The following PPARD variants were observed in gnomAD, a reference collection of about 807,000 sequenced individuals.
PPARD encodes peroxisome proliferator-activated receptor delta.
A neutral mutation model predicts 39.5 loss-of-function variants in PPARD; 6 were observed. The observed-to-expected ratio is 0.15, with a 90% CI of 0.08 to 0.30. The LOEUF (loss-of-function observed/expected upper bound fraction) is 0.30. Ranked by LOEUF, PPARD falls within the 10% of genes least tolerant of loss-of-function variation. The pLI is 1.00. For synonymous variants in PPARD, 210 were observed against 231.3 expected (o/e 0.91, Z 0.83); for missense variants, 397 against 596.8 (o/e 0.67, Z 3.49).
At position 35,390,092 on chromosome 6, in the gene PPARD, C is replaced by A. The variant is rs531292154; in HGVS notation, c.-101-20895C>A. ...ACAGCTCGCCATTCCCAGATGTGCC[C>A]TGTGTTCTCGGCTGCGTTGCCTGAC... On this transcript the variant is annotated intron_variant, in intron 2 of 7. Transcript: ENST00000360694. Among the ~76,000 whole-genome samples, 5 of 152,360 alleles carry A rather than the reference C, an allele frequency of 3.3e-5. No individual in the cohort carries two copies. In the East Asian group the frequency reaches 9.6e-4, roughly 29 times the overall value.
At chr6:35,354,927 CCTT>C (rs1387486052) in intron 2 of PPARD, among the ~76,000 whole-genome samples, 3 of 152,154 alleles carry the variant, frequency 2.0e-5, no homozygotes, top group Non-Finnish European at 4.4e-5. Context: ...TGTTGACTGA[CCTT>C]CTAACCATGG....
intron 2 of PPARD, among the ~76,000 whole-genome samples, chr6:35,364,571 T>A (rs1047766372): frequency 4.6e-5 from 7 of 151,478 alleles, no homozygotes; most frequent in Non-Finnish European, 1.0e-4. Context: ...GTAGCTGGGA[T>A]TACAGGTGCA....
intron 2 of PPARD, among the ~76,000 whole-genome samples, chr6:35,385,138 C>T (rs1450345900): frequency 2.7e-5 from 4 of 145,554 alleles, no homozygotes; most frequent in Non-Finnish European, 4.5e-5. Flanking sequence ...GGAGGTGTGC[C>T]CAACAGCTCA....
chr6:35,362,826 C>T (rs555028036), intron 2 of PPARD, among the ~76,000 whole-genome samples: 8 of 152,076 alleles, frequency 5.3e-5, no homozygotes, highest in Admixed American at 3.3e-4. Context: ...GTGGCACCTG[C>T]TCCTCCACCC....
intron 2 of PPARD, among the ~76,000 whole-genome samples, chr6:35,357,789 G>A (rs769034742): frequency 1.5e-5 from 2 of 137,898 alleles, no homozygotes; most frequent in Non-Finnish European, 1.5e-5. Flanking sequence ...CACTTGCCTC[G>A]GCCTCCCAAA....
chr6:35,368,264 G>A (rs1762306148), intron 2 of PPARD, among the ~76,000 whole-genome samples: 1 of 152,230 alleles, frequency 6.6e-6, no homozygotes, highest in South Asian at 2.1e-4. Context: ...AGCAGTGATA[G>A]CCAGACATGC....
At chr6:35,394,103 C>T (rs138551902) in intron 2 of PPARD, among the ~76,000 whole-genome samples, 1 of 152,348 alleles carries the variant, frequency 6.6e-6, no homozygotes, top group African/African-American at 2.4e-5. Flanking sequence ...ATCTCCCCAC[C>T]AGTCCCCCTC....
intron 2 of PPARD, chr6:35,348,546 G>T: frequency 1.0e-6 from 1 of 985,424 alleles, no homozygotes; most frequent in Non-Finnish European, 1.2e-6. Flanking sequence ...GGGGAAACGT[G>T]GGCCTCCTGC....
intron 2 of PPARD, among the ~76,000 whole-genome samples, chr6:35,409,733 C>T (rs1448733452): frequency 1.3e-5 from 2 of 152,010 alleles, no homozygotes; most frequent in East Asian, 1.9e-4. Context: ...AAGTAGGCCC[C>T]GAGGTTATTG....
rs1424602839 is a variant in PPARD, at chr6:35,396,086, T to G, written c.-101-14901T>G. The stretch of plus-strand genomic sequence containing the variant: ...TTCCATTCCCTGCCTCCCTGTCTCC[T>G]TCTTTCTTTCTCCATCTTCCTCTCC... On this transcript the variant is annotated intron_variant, in intron 2 of 7. Coordinates refer to ENST00000360694, the MANE Select transcript of PPARD (RefSeq NM_006238.5). Among the ~76,000 whole-genome samples, 3 of 151,994 alleles carry G rather than the reference T, an allele frequency of 2.0e-5. No individual in the cohort carries two copies. The East Asian group carries it at 5.8e-4, about 29-fold the overall frequency.
At chr6:35,345,888 T>A (rs1792149878) in intron 1 of PPARD, among the ~76,000 whole-genome samples, 1 of 147,658 alleles carries the variant, frequency 6.8e-6, no homozygotes, top group African/African-American at 2.5e-5. Flanking sequence ...TTTTTTTTTT[T>A]TTTTTTGAGA....
intron 2 of PPARD, among the ~76,000 whole-genome samples, chr6:35,354,157 G>A (rs538895668): frequency 3.3e-5 from 5 of 150,366 alleles, no homozygotes; most frequent in South Asian, 2.1e-4. Flanking sequence ...GCATGAACCC[G>A]GGAGGCGGAG....
At chr6:35,377,532 G>GT (rs1357960414) in intron 2 of PPARD, among the ~76,000 whole-genome samples, 1 of 152,162 alleles carries the variant, frequency 6.6e-6, no homozygotes, top group African/African-American at 2.4e-5. Flanking sequence ...AAAAGCACAG[G>GT]TTTTAGGGTC....
At position 35,363,927 on chromosome 6, in the gene PPARD, A is replaced by T. The variant is rs964946740; in HGVS notation, c.-102+16777A>T. Among the ~76,000 whole-genome samples the T allele has an allele frequency of 6.7e-6, 1 of 149,698 alleles. No individual in the cohort carries two copies. Among genetic ancestry groups the T allele is most frequent in the Admixed American group, 6.7e-5 (1 of 14,950 alleles). Reference sequence around the variant, plus strand: ...TAACTGTGTTTTATATATTATATTAAATTAATATATTTATATATTATATTA... The same window carrying T: ...TAACTGTGTTTTATATATTATATTATATTAATATATTTATATATTATATTA... On this transcript the variant is annotated intron_variant, in intron 2 of 7. Coordinates refer to ENST00000360694, the MANE Select transcript of PPARD (RefSeq NM_006238.5). The surrounding 1 kb of genome is among the most constrained non-coding windows in gnomAD (Gnocchi z 4.5).
chr6:35,384,946 C>T lies in PPARD; in HGVS notation c.-101-26041C>T, dbSNP rs1231605135. Among the ~76,000 whole-genome samples the T allele has an allele frequency of 8.5e-4, 116 of 136,124 alleles. 12 individuals are homozygous for T. The highest frequency in any genetic ancestry group is 3.5e-3 in the African/African-American group (111 of 31,892). 89.3% of individuals were successfully genotyped at this position (136,124 alleles called of 152,430 possible). A position where few individuals can be genotyped will look rare whatever the true frequency, so the allele number is the denominator to read the frequency against. ...AGCCCCTCTGCCAGGCCAGCCGCCC[C>T]ATCCGGGAGGGAGGTGGGGGGGTCA... On this transcript the variant is annotated intron_variant, in intron 2 of 7. Coordinates refer to ENST00000360694, the MANE Select transcript of PPARD (RefSeq NM_006238.5).
At chr6:35,419,999 C>T (rs1365139754) in intron 3 of PPARD, 128 bp from the exon 4 acceptor site, 1 of 1,151,808 alleles carries the variant, frequency 8.7e-7, no homozygotes. Context: ...AACTGGTCCT[C>T]AGAAAGGTTG....
chr6:35,366,627 G>T lies in PPARD; in HGVS notation c.-102+19477G>T, dbSNP rs763900436. On this transcript the variant is annotated intron_variant, in intron 2 of 7. Transcript: ENST00000360694. The surrounding 1 kb of genome is among the most constrained non-coding windows in gnomAD (Gnocchi z 4.6). ...TGCAGTGGCATGATCTCGGCTCACT[G>T]CAACCTCTGCCTCCCGGGTTCAAGC... 6.6e-6 allele frequency among the ~76,000 whole-genome samples: 1 copy of T among 151,442 alleles called. No individual in the cohort carries two copies. The highest frequency in any genetic ancestry group is 2.4e-5 in the African/African-American group (1 of 41,006).
intron 2 of PPARD, among the ~76,000 whole-genome samples, chr6:35,402,331 A>C (rs1415495757): frequency 6.6e-6 from 1 of 152,196 alleles, no homozygotes. Context: ...GATTTTTCGC[A>C]GTCTTCAGTG....
At chr6:35,367,021 G>A (rs897014971) in intron 2 of PPARD, among the ~76,000 whole-genome samples, 3 of 152,210 alleles carry the variant, frequency 2.0e-5, no homozygotes, top group African/African-American at 2.4e-5. Context: ...TTTGATGACC[G>A]TGCCTTGATG....
Sources: gnomAD v4.1 joint callset for allele counts (sites outside exome capture counted in the v4.1 genomes callset) on GRCh38, gnomAD v4.1.1 for gene constraint, Gnocchi (gnomAD v3.1) non-coding constraint, MANE v1.5 for transcripts, NCBI Gene and HGNC (gene_info 2026-07-23, HGNC 2026-07-21) for gene names.